The following RNFT1 variants were observed in gnomAD, a reference collection of about 807,000 sequenced individuals.
RNFT1 encodes the protein E3 ubiquitin-protein ligase RNFT1.
In RNFT1, 35 loss-of-function variants were observed where a neutral mutation model predicts 53.2. That is an observed-to-expected ratio of 0.66 (90% CI 0.50 to 0.87). RNFT1 has a LOEUF of 0.87. RNFT1 is among the 40% of genes least tolerant of loss of function. The probability of loss-of-function intolerance (pLI) is 0.00; values close to 1 mark genes in which losing one functional copy is unlikely to be tolerated. For missense variants in RNFT1, 421 were observed against 515.0 expected, an observed-to-expected ratio of 0.82 and a Z score of 1.77; for synonymous variants, 141 against 172.8, an observed-to-expected ratio of 0.82 and a Z score of 1.44.
At position 59,952,392 on chromosome 17, in the gene RNFT1, C is replaced by A. The variant is rs2045225293; in HGVS notation, c.*585G>T. ...TTAAATCATTTATTTTCACTTATTA[C>A]TAATCTTACTACAGAGAATAATACA... On this transcript the variant is annotated 3_prime_UTR_variant, in exon 9 of 9. Coordinates refer to ENST00000305783, the MANE Select transcript of RNFT1 (RefSeq NM_016125.4). 6.6e-6 allele frequency: 1 copy of A among 152,204 alleles called. No homozygotes were observed. Among genetic ancestry groups the A allele is most frequent in the African/African-American group, 2.4e-5 (1 of 41,456 alleles). 9.4% of individuals were successfully genotyped at this position (152,204 alleles called of 1,614,324 possible). A position where few individuals can be genotyped will look rare whatever the true frequency, so the allele number is the denominator to read the frequency against.
chr17:59,958,297 T>C lies in RNFT1; in HGVS notation c.840A>G (p.Lys280=). 6.3e-7 allele frequency: 1 copy of C among 1,591,036 alleles called. No individual in the cohort carries two copies. Among genetic ancestry groups the C allele is most frequent in the Non-Finnish European group, 8.5e-7 (1 of 1,175,060 alleles). Residue 280 remains lysine (K), a synonymous_variant, in exon 5 of 9, where the codon AAA becomes AAG. Coordinates refer to ENST00000305783, the MANE Select transcript of RNFT1 (RefSeq NM_016125.4). ...LLVPSFIMPF[K]SKGYWYMLLE... is the part of the protein sequence containing the mutation. ...GCATAAGTGAGTTTCTTACCTTAGA[T>C]TTAAAAGGCATGATGAAAGAAGGCA...
chr17:59,957,157 A>C (rs2045258827), intron 6 of RNFT1, 67 bp downstream of exon 6: 1 of 1,451,032 alleles, frequency 6.9e-7, no homozygotes, highest in Non-Finnish European at 9.4e-7. Flanking sequence ...AAAAGAGGAA[A>C]ACAGTAGTAT....
At chr17:59,961,857 G>A (rs1256469016) in intron 3 of RNFT1, among the ~76,000 whole-genome samples, 2 of 147,148 alleles carry the variant, frequency 1.4e-5, no homozygotes, top group Middle Eastern at 4.0e-3. Flanking sequence ...GATGACAGGC[G>A]TGAGCCCCTG....
rs147000393 is a variant in RNFT1, at chr17:59,956,798, G to A, written c.1006-245C>T. Among the ~76,000 whole-genome samples the A allele has an allele frequency of 4.9e-3, 748 of 152,296 alleles. 8 individuals are homozygous for A. The highest frequency in any genetic ancestry group is 0.017 in the African/African-American group (727 of 41,558). Reference sequence around the variant, plus strand: ...TCAAGACAAATACAACTATGTCAAAGTCAAAGCAATTTTATCTGATTCACC... The same window carrying A: ...TCAAGACAAATACAACTATGTCAAAATCAAAGCAATTTTATCTGATTCACC... On this transcript the variant is annotated intron_variant, in intron 6 of 8. Coordinates refer to ENST00000305783, the MANE Select transcript of RNFT1 (RefSeq NM_016125.4).
rs918113728 is a variant in RNFT1, at chr17:59,958,830, A to T, written c.693-386T>A. 5 of 297,414 alleles carry T rather than the reference A, an allele frequency of 1.7e-5. 1 individual carries two copies. The highest frequency in any genetic ancestry group is 1.0e-4 in the Admixed American group (2 of 19,896). 18.4% of individuals were successfully genotyped at this position (297,414 alleles called of 1,614,324 possible). On this transcript the variant is annotated intron_variant, in intron 4 of 8. Transcript: ENST00000305783. ...ATCATCAACTCCCTCTGTATGGCTA[A>T]ATTTCAAGGTCACTCTCTTTTTCCA...
At chr17:59,962,742 G>A (rs2045303723) in intron 2 of RNFT1, 85 bp downstream of exon 2, 2 of 1,335,124 alleles carry the variant, frequency 1.5e-6, no homozygotes, top group African/African-American at 3.0e-5. Context: ...ATAAGTAACT[G>A]GATGCATTAA....
chr17:59,953,526 T>C (rs957297663), intron 8 of RNFT1, among the ~76,000 whole-genome samples: 2 of 152,116 alleles, frequency 1.3e-5, no homozygotes, highest in Non-Finnish European at 2.9e-5. Context: ...AGAGCACTAA[T>C]CCCCTCATTT....
At chr17:59,957,860 C>T (rs573946838) in intron 5 of RNFT1, among the ~76,000 whole-genome samples, 1 of 149,006 alleles carries the variant, frequency 6.7e-6, no homozygotes, top group Admixed American at 6.7e-5. Context: ...AAAACAAAAC[C>T]AAAAAAAAAG....
chr17:59,953,183 A>T, intron 8 of RNFT1, 72 bp from the exon 9 acceptor site: 1 of 1,244,988 alleles, frequency 8.0e-7, no homozygotes, highest in Non-Finnish European at 1.1e-6. Flanking sequence ...AGGGAATGAA[A>T]GGGATTCTTT....
intron 7 of RNFT1, among the ~76,000 whole-genome samples, chr17:59,955,313 C>T (rs1301057669): frequency 6.6e-6 from 1 of 152,132 alleles, no homozygotes; most frequent in Non-Finnish European, 1.5e-5. Context: ...TAGCAAAGTA[C>T]ATTTGCAGAT....
Sources: allele counts gnomAD v4.1 joint callset (sites outside exome capture counted in the v4.1 genomes callset), GRCh38; gene constraint gnomAD v4.1.1; transcripts MANE v1.5; gene names NCBI Gene and HGNC (gene_info 2026-07-23, HGNC 2026-07-21).